Variants in ABCA6 observed in about 807,000 individuals in gnomAD.
ABCA6 encodes the protein ATP binding cassette subfamily A member 6.
A neutral mutation model predicts 191.2 loss-of-function variants in ABCA6; 164 were observed. The ratio of observed to expected loss-of-function variants is 0.86; its 90% CI spans 0.76 to 0.98. The LOEUF is 0.98. ABCA6 is among the 50% of genes least tolerant of loss of function. The pLI is 0.00. For missense variants in ABCA6, 1,958 were observed against 1,894.1 expected, an observed-to-expected ratio of 1.03 and a Z score of -0.63; for synonymous variants, 636 against 647.7, an observed-to-expected ratio of 0.98 and a Z score of 0.27.
chr17:69,104,366 A>G (rs570680448), intron 20 of ABCA6: 1 of 152,346 alleles, frequency 6.6e-6, no homozygotes, highest in African/African-American at 2.4e-5. Context: ...TCTAGATCTC[A>G]GAAATTAAAC....
rs1376059250 is a variant in ABCA6 at position 69,140,749 on chromosome 17, C to A, written c.-45-1G>T. On this transcript the variant is annotated splice_acceptor_variant, in intron 1 of 38. Transcript: ENST00000284425. LOFTEE classifies it low-confidence loss of function (5UTR_SPLICE). ...GAAAGTAATCATGGTGGAACACAAC[C>A]TAGAAAAAAATAAGTGTAATAAGAA... 3.0e-6 allele frequency: 4 copies of A among 1,320,180 alleles called. No individual in the cohort carries two copies. The highest frequency in any genetic ancestry group is 3.3e-5 in the South Asian group (2 of 60,430). The allele number at this position is 1,320,180 out of a possible 1,614,324, so 81.8% of individuals were successfully genotyped here.
chr17:69,081,700 G>A (rs1224347411), intron 36 of ABCA6, among the ~76,000 whole-genome samples: 1 of 152,148 alleles, frequency 6.6e-6, no homozygotes, highest in Non-Finnish European at 1.5e-5. Flanking sequence ...TATTCTGAAG[G>A]CTTTTTCTAG....
chr17:69,106,270 A>G, intron 18 of ABCA6, 59 bp from the exon 19 acceptor site: 1 of 1,465,416 alleles, frequency 6.8e-7, no homozygotes, highest in Non-Finnish European at 9.2e-7. Flanking sequence ...TCCTGGAGGC[A>G]TCACAGATTT....
chr17:69,137,290 A>G lies in ABCA6; in HGVS notation c.301+6T>C, dbSNP rs1568038847. ...GTAACTCTTTTTTTGCCATGAGTACACCTACCTTTCAAAAGAGGAGCAAGT... is the reference window on the plus strand; with the variant it reads ...GTAACTCTTTTTTTGCCATGAGTACGCCTACCTTTCAAAAGAGGAGCAAGT... On this transcript the variant is annotated splice_donor_region_variant and intron_variant, in intron 3 of 38. Coordinates refer to ENST00000284425, the MANE Select transcript of ABCA6 (RefSeq NM_080284.3). 1 of 1,611,168 alleles carries G rather than the reference A, an allele frequency of 6.2e-7. No individual in the cohort carries two copies. The highest frequency in any genetic ancestry group is 8.5e-7 in the Non-Finnish European group (1 of 1,179,092).
chr17:69,094,866 T>C (rs1342075345), intron 25 of ABCA6: 1 of 152,600 alleles, frequency 6.6e-6, no homozygotes, highest in Non-Finnish European at 1.5e-5. Flanking sequence ...TGCTGTTTAC[T>C]TAGGACTGAA....
intron 24 of ABCA6, 100 bp from the exon 25 acceptor site, chr17:69,096,453 T>A: frequency 1.2e-6 from 1 of 830,016 alleles, no homozygotes; most frequent in Non-Finnish European, 1.7e-6. Context: ...GGCATAAGTA[T>A]AAAACATCTT....
Position 69,141,744 on chromosome 17 carries a change from C to T in ABCA6, c.-46+1G>A, listed in dbSNP as rs143277335. 304 of 152,200 alleles carry T rather than the reference C, an allele frequency of 2.0e-3. 2 individuals carry two copies. Among genetic ancestry groups the T allele is most frequent in the African/African-American group, 6.5e-3 (269 of 41,556 alleles). The allele number at this position is 152,200 out of a possible 1,614,324, so 9.4% of individuals were successfully genotyped here. A position where few individuals can be genotyped will look rare whatever the true frequency, so the allele number is the denominator to read the frequency against. On this transcript the variant is annotated splice_donor_variant, in intron 1 of 38. Coordinates refer to ENST00000284425, the MANE Select transcript of ABCA6 (RefSeq NM_080284.3). LOFTEE classifies it low-confidence loss of function (5UTR_SPLICE). ...GCACAACAAAATAGAGCTTTACTTACTGTCAGGAAAATAATAAAAAGCACT... is the reference window on the plus strand; with the variant it reads ...GCACAACAAAATAGAGCTTTACTTATTGTCAGGAAAATAATAAAAAGCACT...
chr17:69,086,437 T>A (rs1237705017), intron 30 of ABCA6, among the ~76,000 whole-genome samples, 181 bp downstream of exon 30: 2 of 150,498 alleles, frequency 1.3e-5, no homozygotes, highest in African/African-American at 4.9e-5. Context: ...CTTTGTCTAG[T>A]GGCTTCATAA....
rs189077380 is a variant in ABCA6, at chr17:69,132,647, T to C, written c.791+994A>G. Among the ~76,000 whole-genome samples the C allele has an allele frequency of 1.2e-3, 176 of 152,250 alleles. 1 individual carries two copies. Among genetic ancestry groups the C allele is most frequent in the Non-Finnish European group, 2.2e-3 (149 of 67,994 alleles). ...GGCACGCGCCACCACACCTGGCTAA[T>C]TTTTGTATTTGTAGTAGAGATGGGG... On this transcript the variant is annotated intron_variant, in intron 6 of 38. Coordinates refer to ENST00000284425, the MANE Select transcript of ABCA6 (RefSeq NM_080284.3).
intron 13 of ABCA6, among the ~76,000 whole-genome samples, chr17:69,114,094 G>T (rs1462244498): frequency 6.6e-6 from 1 of 152,030 alleles, no homozygotes; most frequent in Non-Finnish European, 1.5e-5. Flanking sequence ...AAATCATGCT[G>T]CTATAAAGAC....
In ABCA6 at chr17:69,117,910, C is replaced by G. The variant is rs1316544686; in HGVS notation, c.1483G>C (p.Glu495Gln). 1 of 1,576,906 alleles carries G rather than the reference C, an allele frequency of 6.3e-7. No individual in the cohort carries two copies. The highest frequency in any genetic ancestry group is 8.7e-7 in the Non-Finnish European group (1 of 1,152,654). The change falls in exon 11 of 39, where the codon GAA becomes CAA. Residue 495 changes from glutamate to glutamine, a missense_variant. Glu to Gln is a conservative substitution (Grantham distance 29, BLOSUM62 2). Transcript: ENST00000284425. The part of the protein sequence containing the change: ...KEYKGKSGKV[E>Q]ALKGLLFDIY... ...TGTTTTTCTTTACCTTTCAATGCTT[C>G]CACTTTTCCAGATTTTCCTTTATAT...
chr17:69,105,196 T>G (rs2073268783), intron 20 of ABCA6: 1 of 372,604 alleles, frequency 2.7e-6, no homozygotes, highest in Non-Finnish European at 4.8e-6. Context: ...TTATTTGCCA[T>G]GTAATAGCTT....
At chr17:69,080,522 G>T (rs1343025839) in intron 37 of ABCA6, among the ~76,000 whole-genome samples, 2 of 152,166 alleles carry the variant, frequency 1.3e-5, no homozygotes, top group Non-Finnish European at 2.9e-5. Flanking sequence ...AGCAAAAGGA[G>T]TTACACACAA....
chr17:69,093,683 C>T (rs548951077), intron 25 of ABCA6, among the ~76,000 whole-genome samples: 1 of 152,264 alleles, frequency 6.6e-6, no homozygotes, highest in African/African-American at 2.4e-5. Context: ...GTATCCCGAT[C>T]GGTCTCTCTA....
intron 20 of ABCA6, chr17:69,104,404 T>A (rs1403308814): frequency 2.0e-5 from 3 of 151,846 alleles, no homozygotes; most frequent in Non-Finnish European, 2.9e-5. Flanking sequence ...GGTAGTGAGG[T>A]GAATAAAATT....
intron 15 of ABCA6, 44 bp from the exon 16 acceptor site, chr17:69,112,317 T>G (rs769247565): frequency 3.4e-6 from 5 of 1,472,546 alleles, no homozygotes; most frequent in Middle Eastern, 3.5e-4. Flanking sequence ...GGGGGTCATT[T>G]CTTCTTTCTC....
Position 69,140,656 on chromosome 17 carries a change from C to A in ABCA6, c.48G>T (p.Leu16=), listed in dbSNP as rs759930688. The A allele has an allele frequency of 6.2e-7, 1 of 1,600,650 alleles. No homozygotes were observed. Among genetic ancestry groups the A allele is most frequent in the Non-Finnish European group, 8.5e-7 (1 of 1,174,040 alleles). ...KSVYQQTKAL[L]CKNFLKKWRM... is the part of the protein sequence containing the mutation. ...TCCATTTCTTAAGAAAATTCTTGCACAGAAGTGCTTTGGTTTGCTGATACA... is the reference window on the plus strand; with the variant it reads ...TCCATTTCTTAAGAAAATTCTTGCAAAGAAGTGCTTTGGTTTGCTGATACA... Residue 16 remains leucine, a synonymous_variant, in exon 2 of 39, where the codon CTG becomes CTT. Coordinates refer to ENST00000284425, the MANE Select transcript of ABCA6 (RefSeq NM_080284.3).
chr17:69,141,692 G>C (rs2074025511), intron 1 of ABCA6, 53 bp downstream of exon 1: 2 of 152,006 alleles, frequency 1.3e-5, no homozygotes, highest in Non-Finnish European at 2.9e-5. Flanking sequence ...ATTGATTTTA[G>C]CAGTGTCCAC....
At chr17:69,135,807 A>G in intron 4 of ABCA6, 1 of 444,356 alleles carries the variant, frequency 2.3e-6, no homozygotes, top group Non-Finnish European at 4.0e-6. Context: ...CTTTGCTGCT[A>G]ACCTGGAATC....
Sources: gnomAD v4.1 joint callset for allele counts (sites outside exome capture counted in the v4.1 genomes callset) on GRCh38, gnomAD v4.1.1 for gene constraint, MANE v1.5 for transcripts, NCBI Gene and HGNC (gene_info 2026-07-23, HGNC 2026-07-21) for gene names.